Variants in DENND3 observed in about 807,000 individuals in gnomAD.
DENND3 encodes DENN domain containing 3, also known as DENN domain-containing protein 3.
In DENND3, 88 loss-of-function variants were observed where a neutral mutation model predicts 135.1. The observed-to-expected ratio is 0.65, with a 90% CI of 0.55 to 0.78. DENND3 has a LOEUF of 0.78. Ranked by LOEUF, DENND3 falls within the 30% of genes least tolerant of loss-of-function variation. DENND3 has a pLI of 0.00. For missense variants in DENND3, 1,392 were observed against 1,688.4 expected, an observed-to-expected ratio of 0.82 and a Z score of 3.08; for synonymous variants, 693 against 712.3, an observed-to-expected ratio of 0.97 and a Z score of 0.43.
chr8:141,155,335 A>G (rs1025663801), intron 7 of DENND3, among the ~76,000 whole-genome samples: 3 of 152,234 alleles, frequency 2.0e-5, no homozygotes, highest in Non-Finnish European at 2.9e-5. Flanking sequence ...GCCCATTAAC[A>G]TAGCTCATGA....
Position 141,182,803 on chromosome 8 carries a change from G to A in DENND3, c.2944+1949G>A, listed in dbSNP as rs939579195. On this transcript the variant is annotated intron_variant, in intron 17 of 22. Coordinates refer to ENST00000519811, the MANE Select transcript of DENND3 (RefSeq NM_001352890.3). This position sits in a 1 kb window ranked among gnomAD's most constrained non-coding sequence, Gnocchi z 5.9. ...TTAGCTTGGGGCTGGGTCTCCGACA[G>A]GTTCCTAGGAGTTAGGAGAACCAGC... is the stretch of plus-strand genomic sequence containing the variant. Among the ~76,000 whole-genome samples the A allele has an allele frequency of 2.0e-5, 3 of 152,196 alleles. No individual in the cohort carries two copies. Among genetic ancestry groups the A allele is most frequent in the Non-Finnish European group, 2.9e-5 (2 of 68,030 alleles).
chr8:141,176,095 A>T (rs1822302214), intron 14 of DENND3: 1 of 178,278 alleles, frequency 5.6e-6, no homozygotes, highest in Admixed American at 5.8e-5. Flanking sequence ...GTGGTCATAG[A>T]AGCCAGAAAG....
At position 141,180,811 on chromosome 8, in the gene DENND3, G is replaced by A. The variant is rs2154613402; in HGVS notation, c.2901G>A (p.Gly967=). 2 of 1,613,416 alleles carry A rather than the reference G, an allele frequency of 1.2e-6. No individual in the cohort carries two copies. Among genetic ancestry groups the A allele is most frequent in the Non-Finnish European group, 1.7e-6 (2 of 1,179,654 alleles). Residue 967 remains glycine (G), a synonymous_variant, in exon 17 of 23, where the codon GGG becomes GGA. Coordinates refer to ENST00000519811, the MANE Select transcript of DENND3 (RefSeq NM_001352890.3). ...TLKHKINPSA[G]EAFPQAVDVL... ...AGCATAAAATCAACCCCTCGGCGGG[G>A]GAGGCGTTCCCACAAGCGGTGGACG...
In DENND3 at chr8:141,154,009, C is replaced by G. The variant is rs182784515; in HGVS notation, c.1075-1840C>G. Among the ~76,000 whole-genome samples the G allele has an allele frequency of 7.0e-3, 1,065 of 152,296 alleles. 22 individuals are homozygous for G. The highest frequency in any genetic ancestry group is 0.025 in the African/African-American group (1,026 of 41,550). ...GGAAGGAGCTGGCAGTGACCCTATGCGCCTCCACCAAACACTTGTGTCTCC... is the reference window on the plus strand; with the variant it reads ...GGAAGGAGCTGGCAGTGACCCTATGGGCCTCCACCAAACACTTGTGTCTCC... On this transcript the variant is annotated intron_variant, in intron 7 of 22. Coordinates refer to ENST00000519811, the MANE Select transcript of DENND3 (RefSeq NM_001352890.3). This position sits in a 1 kb window ranked among gnomAD's most constrained non-coding sequence, Gnocchi z 4.4.
rs114846554 is a variant in DENND3 at position 141,180,805 on chromosome 8, G to A, written c.2895G>A (p.Ser965=). ...LETLKHKINP[S]AGEAFPQAVD... ...CACTGAAGCATAAAATCAACCCCTC[G>A]GCGGGGGAGGCGTTCCCACAAGCGG... Residue 965 remains serine, a synonymous_variant, in exon 17 of 23, where the codon TCG becomes TCA. Transcript: ENST00000519811. 3.2e-4 allele frequency: 522 copies of A among 1,613,570 alleles called. 1 individual carries two copies. The African/African-American group carries it at 5.6e-3, about 17-fold the overall frequency.
chr8:141,180,657 T>A (rs769708100), intron 16 of DENND3, 90 bp from the exon 17 acceptor site: 2 of 1,208,018 alleles, frequency 1.7e-6, no homozygotes, highest in African/African-American at 3.0e-5. Flanking sequence ...CAAGCTGATA[T>A]TCTGCAGAAA....
chr8:141,155,548 C>G (rs371454088), intron 7 of DENND3, among the ~76,000 whole-genome samples: 32 of 152,066 alleles, frequency 2.1e-4, no homozygotes, highest in African/African-American at 7.5e-4. Flanking sequence ...GGACCATAGG[C>G]ATGTGCTACC....
Position 141,145,795 on chromosome 8 carries a change from A to G in DENND3, c.735+1536A>G, listed in dbSNP as rs1324291081. ...ATTTATTTGTTTATTTGTCTTTAAT[A>G]TTGAATATTATATATATATATATAT... On this transcript the variant is annotated intron_variant, in intron 5 of 22. Transcript: ENST00000519811. Among the ~76,000 whole-genome samples the G allele has an allele frequency of 2.4e-5, 3 of 125,588 alleles. No individual in the cohort carries two copies. In the South Asian group the frequency reaches 7.6e-4, roughly 32 times the overall value. 82.4% of individuals were successfully genotyped at this position (125,588 alleles called of 152,430 possible).
Position 141,182,213 on chromosome 8 carries a change from T to A in DENND3, c.2944+1359T>A. 1.3e-6 allele frequency: 1 copy of A among 778,662 alleles called. No individual in the cohort carries two copies. Among genetic ancestry groups the A allele is most frequent in the Non-Finnish European group, 1.6e-6 (1 of 641,670 alleles). 48.2% of individuals were successfully genotyped at this position (778,662 alleles called of 1,614,324 possible). ...CCCTCTCACAGGCCATGTCCGCGGC[T>A]TCACAGAGCACCTGGCCATTCACAC... On this transcript the variant is annotated intron_variant, in intron 17 of 22. Transcript: ENST00000519811. The surrounding 1 kb of genome is among the most constrained non-coding windows in gnomAD (Gnocchi z 5.9).
At position 141,151,852 on chromosome 8, in the gene DENND3, C is replaced by G; in HGVS notation, c.1074+15C>G. 1 of 1,613,036 alleles carries G rather than the reference C, an allele frequency of 6.2e-7. No homozygotes were observed. The highest frequency in any genetic ancestry group is 2.2e-5 in the East Asian group (1 of 44,836). ...AAGTCAGCAAGGTTAGGTAGCGAACCTTTGACTTGGAATGCTAAATTCCTG... is the reference window on the plus strand; with the variant it reads ...AAGTCAGCAAGGTTAGGTAGCGAACGTTTGACTTGGAATGCTAAATTCCTG... On this transcript the variant is annotated intron_variant, in intron 7 of 22. Coordinates refer to ENST00000519811, the MANE Select transcript of DENND3 (RefSeq NM_001352890.3).
At chr8:141,158,375 T>C in intron 8 of DENND3, 2 of 1,151,312 alleles carry the variant, frequency 1.7e-6, no homozygotes, top group Non-Finnish European at 2.2e-6. Context: ...GCTCTGAGCA[T>C]TCCCAGGAAG....
rs778845003 is a variant in DENND3 at position 141,160,637 on chromosome 8, A to G, written c.1202A>G (p.Gln401Arg). ...TTCGGTCTGCCTCCTTCCAGGGTGCAGAGCCTCCAGCTCCACCATGAGCTG... is the reference window on the plus strand; with the variant it reads ...TTCGGTCTGCCTCCTTCCAGGGTGCGGAGCCTCCAGCTCCACCATGAGCTG... ...LAAQTFIQRV[Q>R]SLQLHHELHA... Residue 401 changes from glutamine (Q) to arginine (R), a missense_variant, in exon 9 of 23, where the codon CAG (glutamine) becomes CGG (arginine). Coordinates refer to ENST00000519811, the MANE Select transcript of DENND3 (RefSeq NM_001352890.3). The G allele has an allele frequency of 2.7e-5, 44 of 1,601,274 alleles. No individual in the cohort carries two copies. The South Asian group carries it at 4.7e-4, about 17-fold the overall frequency.
Position 141,175,543 on chromosome 8 carries a change from A to T in DENND3, c.2535+84A>T. On this transcript the variant is annotated intron_variant, in intron 14 of 22. Coordinates refer to ENST00000519811, the MANE Select transcript of DENND3 (RefSeq NM_001352890.3). This position sits in a 1 kb window ranked among gnomAD's most constrained non-coding sequence, Gnocchi z 5.4. ...TGGAGTGGGCCCTGAGCAGTCTGCC[A>T]GCCATGCCAAGTACCAGCTGCAGCC... The T allele has an allele frequency of 6.2e-7, 1 of 1,603,698 alleles. No homozygotes were observed. The highest frequency in any genetic ancestry group is 8.5e-7 in the Non-Finnish European group (1 of 1,175,090).
At chr8:141,163,107 A>G (rs1385465670) in intron 9 of DENND3, among the ~76,000 whole-genome samples, 1 of 152,238 alleles carries the variant, frequency 6.6e-6, no homozygotes, top group African/African-American at 2.4e-5. Context: ...GAGGAAGGTG[A>G]GAACAGGAAC....
intron 13 of DENND3, among the ~76,000 whole-genome samples, chr8:141,173,230 C>T (rs1470465276): frequency 6.6e-6 from 1 of 152,272 alleles, no homozygotes; most frequent in African/African-American, 2.4e-5. Flanking sequence ...CAGCATCCTC[C>T]TTTGTCTTCT....
In DENND3 at chr8:141,130,932, G is replaced by C. The variant is rs911498290; in HGVS notation, c.102+2123G>C. 2.8e-4 allele frequency among the ~76,000 whole-genome samples: 42 copies of C among 152,180 alleles called. No individual in the cohort carries two copies. The highest frequency in any genetic ancestry group is 7.9e-4 in the Admixed American group (12 of 15,280). ...AAACTCCTGACCTCACGATCTGCCCGCCTCGGCCTCCCAAAGTGTTGGGAT... is the reference window on the plus strand; with the variant it reads ...AAACTCCTGACCTCACGATCTGCCCCCCTCGGCCTCCCAAAGTGTTGGGAT... On this transcript the variant is annotated intron_variant, in intron 1 of 22. Transcript: ENST00000519811. The surrounding 1 kb of genome is among the most constrained non-coding windows in gnomAD (Gnocchi z 4.2).
chr8:141,162,417 A>G (rs1470295497), intron 9 of DENND3, among the ~76,000 whole-genome samples: 2 of 152,192 alleles, frequency 1.3e-5, no homozygotes, highest in Non-Finnish European at 2.9e-5. Flanking sequence ...CAACATAGCA[A>G]GATCCCGGCT....
At chr8:141,184,003 C>T (rs1479998077) in intron 17 of DENND3, among the ~76,000 whole-genome samples, 1 of 152,192 alleles carries the variant, frequency 6.6e-6, no homozygotes, top group Non-Finnish European at 1.5e-5. Context: ...GTTTTGCTTT[C>T]TGCTGGAAGC....
chr8:141,189,994 G>A (rs1237812363), intron 19 of DENND3, among the ~76,000 whole-genome samples: 3 of 152,184 alleles, frequency 2.0e-5, no homozygotes, highest in African/African-American at 4.8e-5. Context: ...CCTGCGGCCC[G>A]CGGTGGTGGG....
Sources: allele counts gnomAD v4.1 joint callset (sites outside exome capture counted in the v4.1 genomes callset), GRCh38; gene constraint gnomAD v4.1.1; non-coding constraint Gnocchi (gnomAD v3.1); transcripts MANE v1.5; gene names NCBI Gene and HGNC (gene_info 2026-07-23, HGNC 2026-07-21).